Variants in CORO2B observed in about 807,000 individuals in gnomAD.
CORO2B encodes coronin-2B.
A neutral mutation model predicts 58.8 loss-of-function variants in CORO2B; 26 were observed. The ratio of observed to expected loss-of-function variants is 0.44; its 90% confidence interval spans 0.32 to 0.61. CORO2B has a LOEUF of 0.61. Ranked by LOEUF, CORO2B falls within the 20% of genes least tolerant of loss-of-function variation. The pLI, the probability that CORO2B is intolerant of heterozygous loss-of-function variation, is 0.04. For missense variants in CORO2B, 460 were observed against 645.1 expected (o/e 0.71, Z 3.11); for synonymous variants, 242 against 253.8 (o/e 0.95, Z 0.44).
intron 1 of CORO2B, among the ~76,000 whole-genome samples, chr15:68,595,969 G>A (rs1043708768): frequency 3.9e-5 from 6 of 152,020 alleles, no homozygotes; most frequent in African/African-American, 1.2e-4. Flanking sequence ...CAGCGACGCC[G>A]TGGGGTGCTC....
At chr15:68,619,971 G>A (rs566777670) in intron 1 of CORO2B, among the ~76,000 whole-genome samples, 127 of 152,180 alleles carry the variant, frequency 8.3e-4, no homozygotes, top group Non-Finnish European at 1.7e-3. Context: ...GAGTACAGTG[G>A]CACAGTCTTG....
chr15:68,722,122 AG>A (rs1893176569), intron 11 of CORO2B, among the ~76,000 whole-genome samples: 1 of 152,212 alleles, frequency 6.6e-6, no homozygotes, highest in Non-Finnish European at 1.5e-5. Context: ...ATAGCCCAGG[AG>A]GGCAATAACA....
At chr15:68,698,246 C>T (rs948364460) in intron 3 of CORO2B, among the ~76,000 whole-genome samples, 4 of 152,196 alleles carry the variant, frequency 2.6e-5, no homozygotes, top group Admixed American at 6.5e-5. Context: ...TGCTGTCTCC[C>T]AGTGGCTCAT....
At chr15:68,564,011 A>G in the CORO2B span, among the ~76,000 whole-genome samples, 1 of 152,220 alleles carries the variant, frequency 6.6e-6, no homozygotes, top group Non-Finnish European at 1.5e-5. Flanking sequence ...GGCTCATTCT[A>G]TAAACCCAGC....
intron 2 of CORO2B, among the ~76,000 whole-genome samples, chr15:68,648,518 C>T (rs797010987): frequency 1.3e-4 from 20 of 151,486 alleles, no homozygotes; most frequent in African/African-American, 4.8e-4. Flanking sequence ...GGTCTGGTGG[C>T]GGGCGCCTGT....
chr15:68,617,135 C>G (rs59278231), intron 1 of CORO2B, among the ~76,000 whole-genome samples: 3,915 of 150,142 alleles, frequency 0.026, 158 homozygotes, highest in African/African-American at 0.086. Context: ...CCTTCAAGCC[C>G]GTGCTTTCCA....
intron 3 of CORO2B, among the ~76,000 whole-genome samples, chr15:68,708,665 C>G (rs1892841517): frequency 6.6e-6 from 1 of 151,344 alleles, no homozygotes. Flanking sequence ...CCTGGCCCTG[C>G]CTTTGGCTTT....
Position 68,579,093 on chromosome 15 carries a change from G to T in CORO2B, c.-170G>T, listed in dbSNP as rs978669134. On this transcript the variant is annotated 5_prime_UTR_variant, in exon 1 of 12. Coordinates refer to ENST00000261861, the MANE Select transcript of CORO2B (RefSeq NM_006091.5). ...AGCGGCGGGCGAGCGCCGACGAGCGGTCCCTGCGCGCTGCCCGCCCGGAGC... is the reference window on the plus strand; with the variant it reads ...AGCGGCGGGCGAGCGCCGACGAGCGTTCCCTGCGCGCTGCCCGCCCGGAGC... 3 of 983,074 alleles carry T rather than the reference G, an allele frequency of 3.1e-6. No homozygotes were observed. Among genetic ancestry groups the T allele is most frequent in the South Asian group, 4.7e-5 (1 of 21,434 alleles). 60.9% of individuals were successfully genotyped at this position (983,074 alleles called of 1,614,324 possible).
intron 1 of CORO2B, among the ~76,000 whole-genome samples, chr15:68,614,870 G>C (rs1900317211): frequency 6.6e-6 from 1 of 152,262 alleles, no homozygotes; most frequent in Non-Finnish European, 1.5e-5. Context: ...TGGTCCCGAG[G>C]CTGGTCCGGG....
At chr15:68,564,911 C>T in the CORO2B span, among the ~76,000 whole-genome samples, 70 of 152,158 alleles carry the variant, frequency 4.6e-4, 1 homozygote, top group Admixed American at 4.1e-3. Flanking sequence ...ACCACTATGA[C>T]TGATCCTGAA....
chr15:68,614,528 G>C (rs1413088237), intron 1 of CORO2B, among the ~76,000 whole-genome samples: 1 of 152,184 alleles, frequency 6.6e-6, no homozygotes, highest in South Asian at 2.1e-4. Context: ...TCAGTAACTT[G>C]CTGGAGAAAC....
intron 1 of CORO2B, among the ~76,000 whole-genome samples, chr15:68,632,600 G>GT (rs758091826): frequency 1.3e-5 from 2 of 152,052 alleles, no homozygotes; most frequent in African/African-American, 2.4e-5. Flanking sequence ...TAATTTTTGT[G>GT]TTTTTTTGGA....
rs1034126488 is a variant in CORO2B, at chr15:68,712,067, C to G, written c.648+361C>G. 2.6e-5 allele frequency among the ~76,000 whole-genome samples: 4 copies of G among 152,192 alleles called. No homozygotes were observed. The South Asian group carries it at 6.2e-4, about 24-fold the overall frequency. On this transcript the variant is annotated intron_variant, in intron 5 of 11. Transcript: ENST00000261861. ...AGGAGACACTGGACTCACTGCCCAG[C>G]CACTTGATAGGATGAGCCTGAGGGA...
the CORO2B span, among the ~76,000 whole-genome samples, chr15:68,540,376 T>C: frequency 6.6e-6 from 1 of 152,242 alleles, no homozygotes; most frequent in Non-Finnish European, 1.5e-5. Flanking sequence ...GCACTTGAAA[T>C]TTTGAATTTT....
At chr15:68,531,555 G>A in the CORO2B span, among the ~76,000 whole-genome samples, 171 of 77,806 alleles carry the variant, frequency 2.2e-3, no homozygotes, top group African/African-American at 5.9e-3. Flanking sequence ...AAGGAAGGAA[G>A]GAAAGAAAGA....
intron 1 of CORO2B, among the ~76,000 whole-genome samples, chr15:68,636,825 T>G (rs1901046918): frequency 6.6e-6 from 1 of 152,216 alleles, no homozygotes; most frequent in South Asian, 2.1e-4. Context: ...AATTGATGTC[T>G]TTTCTCCCAG....
At chr15:68,637,343 A>G (rs953856329) in intron 1 of CORO2B, among the ~76,000 whole-genome samples, 1 of 152,198 alleles carries the variant, frequency 6.6e-6, no homozygotes, top group African/African-American at 2.4e-5. Flanking sequence ...TCCAGTATGG[A>G]AACATGTGCT....
At chr15:68,605,949 C>A (rs544898467) in intron 1 of CORO2B, among the ~76,000 whole-genome samples, 9 of 151,904 alleles carry the variant, frequency 5.9e-5, no homozygotes, top group African/African-American at 2.4e-5. Flanking sequence ...AGGTCTCAAA[C>A]TCCTGAACTT....
chr15:68,686,414 G>T (rs1489082385), intron 2 of CORO2B, among the ~76,000 whole-genome samples: 1 of 152,120 alleles, frequency 6.6e-6, no homozygotes, highest in Admixed American at 6.6e-5. Flanking sequence ...AGCCAGCATA[G>T]CAGAGATGCC....
Sources: gnomAD v4.1 joint callset for allele counts (sites outside exome capture counted in the v4.1 genomes callset) on GRCh38, gnomAD v4.1.1 for gene constraint, MANE v1.5 for transcripts, NCBI Gene and HGNC (gene_info 2026-07-23, HGNC 2026-07-21) for gene names.